Variants in LIN28B observed in about 807,000 individuals in gnomAD.
LIN28B encodes lin-28 RNA binding posttranscriptional regulator B, also known as protein lin-28 homolog B.
LIN28B carries 5 observed loss-of-function variants against 21.9 expected under a neutral mutation model. The observed-to-expected ratio is 0.23, with a 90% CI of 0.12 to 0.48. The LOEUF is 0.48. LIN28B is among the 20% of genes least tolerant of loss of function. LIN28B has a pLI of 0.98. For missense variants in LIN28B, 245 were observed against 310.5 expected, an observed-to-expected ratio of 0.79 and a Z score of 1.58; for synonymous variants, 109 against 111.3, an observed-to-expected ratio of 0.98 and a Z score of 0.13.
chr6:105,076,752 C>T (rs1482276997), intron 3 of LIN28B, among the ~76,000 whole-genome samples: 3 of 151,832 alleles, frequency 2.0e-5, no homozygotes, highest in South Asian at 2.1e-4. Context: ...ACTACAAGCG[C>T]GCGCCATCAT....
intron 2 of LIN28B, among the ~76,000 whole-genome samples, chr6:104,987,407 T>G (rs1056837701): frequency 3.3e-5 from 5 of 152,304 alleles, no homozygotes; most frequent in Middle Eastern, 3.4e-3. Context: ...TCACTCAGGC[T>G]GGAATGCAGT....
chr6:105,013,887 C>G (rs1183918238), intron 2 of LIN28B, among the ~76,000 whole-genome samples: 1 of 151,996 alleles, frequency 6.6e-6, no homozygotes, highest in African/African-American at 2.4e-5. Flanking sequence ...CTTTTAATGT[C>G]TGTGGGATTG....
chr6:104,996,952 C>A (rs1216550501), intron 2 of LIN28B, among the ~76,000 whole-genome samples: 1 of 152,144 alleles, frequency 6.6e-6, no homozygotes, highest in Non-Finnish European at 1.5e-5. Context: ...CTATTGCACT[C>A]CAGCCTGGGT....
In LIN28B at chr6:105,045,284, G is replaced by GTTTT. The variant is rs57205680; in HGVS notation, c.383+18818_383+18821dup. Among the ~76,000 whole-genome samples the GTTTT allele has an allele frequency of 1.3e-3, 157 of 116,812 alleles. 5 individuals carry two copies. Among genetic ancestry groups the GTTTT allele is most frequent in the African/African-American group, 4.7e-3 (139 of 29,646 alleles). 76.6% of individuals were successfully genotyped at this position (116,812 alleles called of 152,430 possible). A position where few individuals can be genotyped will look rare whatever the true frequency, so the allele number is the denominator to read the frequency against. ...ACTTCATAAATTTGTATGTCATTCTGTTTTTTTTTTTTTTTTTTTGAGATG... is the reference window on the plus strand; with the variant it reads ...ACTTCATAAATTTGTATGTCATTCTGTTTTTTTTTTTTTTTTTTTTTTTGAGATG... On this transcript the variant is annotated intron_variant, in intron 3 of 3. Coordinates refer to ENST00000345080, the MANE Select transcript of LIN28B (RefSeq NM_001004317.4).
chr6:104,997,257 C>T (rs181154922), intron 2 of LIN28B, among the ~76,000 whole-genome samples: 39 of 141,006 alleles, frequency 2.8e-4, no homozygotes, highest in African/African-American at 9.3e-4. Flanking sequence ...CTCCAGCCTG[C>T]GCGACAGAAC....
At chr6:105,031,667 G>A (rs1296385716) in intron 3 of LIN28B, among the ~76,000 whole-genome samples, 3 of 151,616 alleles carry the variant, frequency 2.0e-5, no homozygotes, top group African/African-American at 4.8e-5. Flanking sequence ...CCGAGTAGCC[G>A]GGACCACAGG....
chr6:104,957,099 A>C, upstream of LIN28B: 2 of 1,550,192 alleles, frequency 1.3e-6, no homozygotes, highest in Non-Finnish European at 1.7e-6. Flanking sequence ...GAGAGGAGAG[A>C]AAAAAATCAA....
intron 3 of LIN28B, among the ~76,000 whole-genome samples, chr6:105,030,729 C>T (rs893242058): frequency 9.3e-5 from 14 of 150,828 alleles, no homozygotes; most frequent in African/African-American, 2.2e-4. Context: ...CCCGAGTAGC[C>T]GGGACTACAG....
chr6:104,957,174 T>C lies in LIN28B; in HGVS notation c.-77T>C. On this transcript the variant is annotated 5_prime_UTR_variant, in exon 1 of 4. Transcript: ENST00000345080. ...GATCGCACAAAATCAAGATGTTAGA[T>C]TGATGCAGAAGATCACTCCGTTCCA... 4.3e-6 allele frequency: 7 copies of C among 1,613,608 alleles called. No homozygotes were observed. The highest frequency in any genetic ancestry group is 4.2e-6 in the Non-Finnish European group (5 of 1,179,686).
chr6:104,953,988 G>A (rs1149275), upstream of LIN28B, among the ~76,000 whole-genome samples: 9 of 152,204 alleles, frequency 5.9e-5, no homozygotes, highest in African/African-American at 2.2e-4. Flanking sequence ...GGGAAAACGT[G>A]TACCTTGTTT....
At chr6:105,022,208 A>T (rs562328748) in intron 2 of LIN28B, among the ~76,000 whole-genome samples, 11 of 152,288 alleles carry the variant, frequency 7.2e-5, no homozygotes, top group Non-Finnish European at 1.3e-4. Context: ...TGATGCTGAG[A>T]TGCCAGTGAA....
intron 2 of LIN28B, among the ~76,000 whole-genome samples, chr6:104,991,027 C>A (rs559572296): frequency 1.3e-5 from 2 of 152,240 alleles, no homozygotes; most frequent in African/African-American, 4.8e-5. Flanking sequence ...GTTTTCTATT[C>A]GACAAAACTG....
intron 2 of LIN28B, among the ~76,000 whole-genome samples, chr6:104,950,059 G>C (rs534353580): frequency 2.6e-5 from 4 of 152,110 alleles, no homozygotes; most frequent in Non-Finnish European, 4.4e-5. Flanking sequence ...GAAGAGAATA[G>C]TCAAAGAAGT....
In LIN28B at chr6:104,994,246, C is replaced by T. The variant is rs1165186573; in HGVS notation, c.199-32052C>T. Among the ~76,000 whole-genome samples the T allele has an allele frequency of 3.3e-5, 5 of 152,286 alleles. No homozygotes were observed. The East Asian group carries it at 5.8e-4, about 18-fold the overall frequency. On this transcript the variant is annotated intron_variant, in intron 2 of 3. Transcript: ENST00000345080. ...GTCTCGATCTCCTGACCTCGTGATC[C>T]GCCCGCCTCGGCCTCCCAAATTGCT...
At position 105,015,262 on chromosome 6, in the gene LIN28B, A is replaced by G. The variant is rs73521921; in HGVS notation, c.199-11036A>G. Reference sequence around the variant, plus strand: ...TTATGCCTTCTTAATGAGTTTTTAAAAATTCCATTATGAAATGTCCTTCTT... The same window carrying G: ...TTATGCCTTCTTAATGAGTTTTTAAGAATTCCATTATGAAATGTCCTTCTT... On this transcript the variant is annotated intron_variant, in intron 2 of 3. Transcript: ENST00000345080. 6.3e-3 allele frequency among the ~76,000 whole-genome samples: 955 copies of G among 152,282 alleles called. 10 individuals carry two copies. The highest frequency in any genetic ancestry group is 0.022 in the African/African-American group (914 of 41,578).
intron 2 of LIN28B, among the ~76,000 whole-genome samples, chr6:104,970,299 G>A (rs1416653268): frequency 6.6e-6 from 1 of 152,006 alleles, no homozygotes; most frequent in African/African-American, 2.4e-5. Context: ...TGGCTTTCAG[G>A]CCCCACCCAT....
chr6:104,954,264 T>C (rs1778257010), upstream of LIN28B, among the ~76,000 whole-genome samples: 6 of 152,202 alleles, frequency 3.9e-5, no homozygotes, highest in South Asian at 1.2e-3. Flanking sequence ...AGTGACAAAT[T>C]GGAAAGCATT....
intron 3 of LIN28B, among the ~76,000 whole-genome samples, chr6:105,046,175 C>T (rs1771756398): frequency 1.3e-5 from 2 of 152,088 alleles, no homozygotes; most frequent in Admixed American, 1.3e-4. Flanking sequence ...CCTCCCTCCA[C>T]CCCATGACAG....
Position 105,079,723 on chromosome 6 carries a change from G to C in LIN28B, c.*940G>C, listed in dbSNP as rs1772504811. On this transcript the variant is annotated 3_prime_UTR_variant, in exon 4 of 4. Transcript: ENST00000345080. ...AACTCAATCTTCTACCCATTGCTTAGAGCAGGGAGCCCTCCTTATTTACTA... is the reference window on the plus strand; with the variant it reads ...AACTCAATCTTCTACCCATTGCTTACAGCAGGGAGCCCTCCTTATTTACTA... 1.3e-5 allele frequency: 2 copies of C among 152,410 alleles called. No individual in the cohort carries two copies. Among genetic ancestry groups the C allele is most frequent in the South Asian group, 2.1e-4 (1 of 4,822 alleles). The allele number at this position is 152,410 out of a possible 1,614,324, so 9.4% of individuals were successfully genotyped here.
Sources: allele counts gnomAD v4.1 joint callset (sites outside exome capture counted in the v4.1 genomes callset), GRCh38; gene constraint gnomAD v4.1.1; transcripts MANE v1.5; gene names NCBI Gene and HGNC (gene_info 2026-07-23, HGNC 2026-07-21).